The following ADSS2 variants were observed in gnomAD, a reference collection of about 807,000 sequenced individuals.
The protein encoded by ADSS2 is adenylosuccinate synthetase isozyme 2.
A neutral mutation model predicts 60.0 loss-of-function variants in ADSS2; 30 were observed. The ratio of observed to expected loss-of-function variants is 0.50; its 90% CI spans 0.37 to 0.68. The LOEUF is 0.68. Ranked by LOEUF, ADSS2 falls within the 30% of genes least tolerant of loss-of-function variation. ADSS2 has a pLI of 0.00. For missense variants in ADSS2, 373 were observed against 554.8 expected, an observed-to-expected ratio of 0.67 and a Z score of 3.29; for synonymous variants, 187 against 193.1, an observed-to-expected ratio of 0.97 and a Z score of 0.26.
intron 1 of ADSS2, among the ~76,000 whole-genome samples, chr1:244,443,130 C>A (rs1665289322): frequency 6.6e-6 from 1 of 152,158 alleles, no homozygotes; most frequent in African/African-American, 2.4e-5. Context: ...CTGGGGAGGC[C>A]AGATAGTACC....
intron 1 of ADSS2, among the ~76,000 whole-genome samples, chr1:244,441,685 G>A (rs575301263): frequency 1.4e-4 from 21 of 152,030 alleles, no homozygotes; most frequent in Non-Finnish European, 2.6e-4. Flanking sequence ...GGCTGGGCAC[G>A]GTGGCTCACA....
At chr1:244,438,563 AAC>A (rs1665158157) in intron 1 of ADSS2, among the ~76,000 whole-genome samples, 2 of 150,374 alleles carry the variant, frequency 1.3e-5, no homozygotes, top group Non-Finnish European at 3.0e-5. Flanking sequence ...CATGGAAGAA[AAC>A]ACAAGTTTTT....
Position 244,433,946 on chromosome 1 carries a change from C to T in ADSS2, c.356-1351G>A, listed in dbSNP as rs148787434. On this transcript the variant is annotated intron_variant, in intron 3 of 12. Coordinates refer to ENST00000366535, the MANE Select transcript of ADSS2 (RefSeq NM_001126.5). ...GTACTACTGTCAATTACTGTACTTA[C>T]TACAGTGAATTGTGAGGTATATCTG... 2.5e-3 allele frequency among the ~76,000 whole-genome samples: 366 copies of T among 147,790 alleles called. 3 individuals are homozygous for T. Among genetic ancestry groups the T allele is most frequent in the African/African-American group, 8.6e-3 (348 of 40,648 alleles).
rs1484836302 is a variant in ADSS2, at chr1:244,451,832, G to C, written c.-15C>G. ...GCGAACGCCATGGCTCCAGTGACGC[G>C]AGGAGAGCCCGAAGGAGAGGCGGCC... On this transcript the variant is annotated 5_prime_UTR_variant, in exon 1 of 13. Coordinates refer to ENST00000366535, the MANE Select transcript of ADSS2 (RefSeq NM_001126.5). The surrounding 1 kb of genome is among the most constrained non-coding windows in gnomAD (Gnocchi z 6.6). The C allele has an allele frequency of 8.9e-6, 14 of 1,567,972 alleles. No homozygotes were observed. The African/African-American group carries it at 1.5e-4, about 17-fold the overall frequency.
Position 244,435,194 on chromosome 1 carries a change from A to AAAAAAAAAAC in ADSS2, c.355+1630_355+1631insGTTTTTTTTT, listed in dbSNP as rs1553308065. ...AAAAAAAAAAAAAAAAAAAAAAAAA[A>AAAAAAAAAAC]AAACAAACCTGAACATACTATAACA... On this transcript the variant is annotated intron_variant, in intron 3 of 12. Transcript: ENST00000366535. 5.1e-4 allele frequency among the ~76,000 whole-genome samples: 65 copies of AAAAAAAAAAC among 127,880 alleles called. 2 individuals are homozygous for AAAAAAAAAAC. The highest frequency in any genetic ancestry group is 1.9e-3 in the African/African-American group (60 of 31,112). The allele number at this position is 127,880 out of a possible 152,430, so 83.9% of individuals were successfully genotyped here.
At chr1:244,411,825 A>G (rs1346646940) in intron 11 of ADSS2, among the ~76,000 whole-genome samples, 1 of 152,242 alleles carries the variant, frequency 6.6e-6, no homozygotes, top group African/African-American at 2.4e-5. Flanking sequence ...TCACAGAAAG[A>G]AGGCCTGCAT....
At chr1:244,418,940 T>C (rs1384904188) in intron 8 of ADSS2, 26 bp from the exon 9 acceptor site, 2 of 1,547,962 alleles carry the variant, frequency 1.3e-6, no homozygotes, top group South Asian at 2.4e-5. Flanking sequence ...GACATTAAAA[T>C]ATAGTAGACA....
intron 1 of ADSS2, among the ~76,000 whole-genome samples, chr1:244,438,472 T>C (rs1179072235): frequency 6.6e-6 from 1 of 152,008 alleles, no homozygotes; most frequent in Admixed American, 6.6e-5. Context: ...AATAACAAAA[T>C]GGAAAAAGTC....
In ADSS2 at chr1:244,409,125, C is replaced by T. The variant is rs903790016; in HGVS notation, c.*461G>A. On this transcript the variant is annotated 3_prime_UTR_variant, in exon 13 of 13. Transcript: ENST00000366535. ...GTTTACAGAACCCCTATGTTTTCAT[C>T]ATTTGTTTCTAACAACAAAGATTAC... 6.5e-6 allele frequency: 1 copy of T among 152,852 alleles called. No individual in the cohort carries two copies. Among genetic ancestry groups the T allele is most frequent in the African/African-American group, 2.4e-5 (1 of 41,440 alleles). The allele number at this position is 152,852 out of a possible 1,614,324, so 9.5% of individuals were successfully genotyped here.
At chr1:244,439,355 T>C (rs1665179847) in intron 1 of ADSS2, among the ~76,000 whole-genome samples, 1 of 152,196 alleles carries the variant, frequency 6.6e-6, no homozygotes, top group Admixed American at 6.5e-5. Context: ...GCTCATGGGC[T>C]TTTTAGCTAG....
Position 244,451,783 on chromosome 1 carries a change from G to C in ADSS2, c.35C>G (p.Ser12Cys). The change falls in exon 1 of 13, where the codon TCC becomes TGC. Residue 12 changes from serine to cysteine, a missense_variant. Physicochemically the swap from Ser to Cys is moderately radical, Grantham distance 112. Coordinates refer to ENST00000366535, the MANE Select transcript of ADSS2 (RefSeq NM_001126.5). This position sits in a 1 kb window ranked among gnomAD's most constrained non-coding sequence, Gnocchi z 6.6. ...GCGGCCGCAATCGCCGTTGGGCAGG[G>C]AGGATGCCGCCGGGTAGGTCTCGGC... ...AFAETYPAAS[S>C]LPNGDCGRPR... 4 of 1,598,582 alleles carry C rather than the reference G, an allele frequency of 2.5e-6. No individual in the cohort carries two copies. Among genetic ancestry groups the C allele is most frequent in the Non-Finnish European group, 1.7e-6 (2 of 1,173,486 alleles).
Position 244,416,020 on chromosome 1 carries a change from C to T in ADSS2, c.1129G>A (p.Ala377Thr). The T allele has an allele frequency of 6.2e-7, 1 of 1,613,842 alleles. No homozygotes were observed. The highest frequency in any genetic ancestry group is 1.1e-5 in the South Asian group (1 of 91,058). ...ATGATTTCACCATCTAACTTGTAAGCAACTCCAACTTTGATTTCCGTAAAC... is the reference window on the plus strand; with the variant it reads ...ATGATTTCACCATCTAACTTGTAAGTAACTCCAACTTTGATTTCCGTAAAC... Reference protein sequence around the residue: ...DMFTEIKVGVAYKLDGEIIPH... With the variant: ...DMFTEIKVGVTYKLDGEIIPH... Residue 377 changes from alanine (A) to threonine (T), a missense_variant, in exon 11 of 13, where the codon GCT becomes ACT. This residue lies in a region of ADSS2 where 130 missense variants were observed against 169.4 expected (regional missense o/e 0.77). Coordinates refer to ENST00000366535, the MANE Select transcript of ADSS2 (RefSeq NM_001126.5).
intron 1 of ADSS2, among the ~76,000 whole-genome samples, chr1:244,441,060 C>CT (rs557199255): frequency 0.068 from 9,323 of 137,962 alleles, 731 homozygotes; most frequent in East Asian, 0.41. Context: ...TTAACTTAGT[C>CT]TTTTTTTTTT....
chr1:244,437,628 G>C lies in ADSS2; in HGVS notation c.286+38C>G, dbSNP rs577446354. ...AAAATAAACGCCATTATCAACTGGT[G>C]GGGGGGAATCTCCATGCAGTTCAGT... On this transcript the variant is annotated intron_variant, in intron 2 of 12. Coordinates refer to ENST00000366535, the MANE Select transcript of ADSS2 (RefSeq NM_001126.5). 2.2e-5 allele frequency: 29 copies of C among 1,344,836 alleles called. No homozygotes were observed. In the South Asian group the frequency reaches 3.0e-4, roughly 14 times the overall value. The allele number at this position is 1,344,836 out of a possible 1,614,324, so 83.3% of individuals were successfully genotyped here.
At chr1:244,448,047 G>T (rs1665438616) in intron 1 of ADSS2, among the ~76,000 whole-genome samples, 1 of 152,056 alleles carries the variant, frequency 6.6e-6, no homozygotes, top group South Asian at 2.1e-4. Flanking sequence ...ATATACTAGG[G>T]AAATGCTATA....
intron 3 of ADSS2, among the ~76,000 whole-genome samples, chr1:244,433,350 T>G (rs530788174): frequency 6.6e-6 from 1 of 152,228 alleles, no homozygotes; most frequent in Non-Finnish European, 1.5e-5. Flanking sequence ...ATGTCATTCA[T>G]TCCATACATA....
At chr1:244,419,022 G>C (rs1664613396) in intron 8 of ADSS2, 108 bp from the exon 9 acceptor site, 6 of 1,007,876 alleles carry the variant, frequency 6.0e-6, no homozygotes, top group Middle Eastern at 2.6e-4. Flanking sequence ...GTATCTAACA[G>C]ATCTGAACTG....
At chr1:244,414,191 C>T (rs940194201) in intron 11 of ADSS2, among the ~76,000 whole-genome samples, 1 of 136,004 alleles carries the variant, frequency 7.4e-6, no homozygotes, top group South Asian at 2.4e-4. Context: ...TGTCTGTCAA[C>T]CAATGACTAT....
At chr1:244,424,632 G>A (rs1664754952) in intron 4 of ADSS2, 2 of 286,814 alleles carry the variant, frequency 7.0e-6, no homozygotes, top group Non-Finnish European at 1.3e-5. Flanking sequence ...CATTAAGAGG[G>A]TAATTTTGAA....
Sources: gnomAD v4.1 joint callset for allele counts (sites outside exome capture counted in the v4.1 genomes callset) on GRCh38, gnomAD v4.1.1 for gene constraint, gnomAD v4.1.1 regional missense constraint, Gnocchi (gnomAD v3.1) non-coding constraint, MANE v1.5 for transcripts, NCBI Gene and HGNC (gene_info 2026-07-23, HGNC 2026-07-21) for gene names.